Variants in SCMH1 observed in about 807,000 individuals in gnomAD.
The protein encoded by SCMH1 is polycomb protein SCMH1.
Under a neutral mutation model 70.8 loss-of-function variants are expected in SCMH1, and 37 were observed. The ratio of observed to expected loss-of-function variants is 0.52; its 90% CI spans 0.40 to 0.69. SCMH1 has a LOEUF of 0.69. SCMH1 is among the 30% of genes least tolerant of loss of function. The probability of loss-of-function intolerance (pLI) is 0.00; values close to 1 mark genes in which losing one functional copy is unlikely to be tolerated. For missense variants in SCMH1, 607 were observed against 827.3 expected, an observed-to-expected ratio of 0.73 and a Z score of 3.27; for synonymous variants, 292 against 307.4, an observed-to-expected ratio of 0.95 and a Z score of 0.52.
intron 8 of SCMH1, among the ~76,000 whole-genome samples, chr1:41,090,922 G>A (rs1322644194): frequency 5.3e-5 from 8 of 151,338 alleles, no homozygotes; most frequent in Admixed American, 2.0e-4. Flanking sequence ...GCCTGTAGTC[G>A]CAGCTACTTG....
chr1:41,124,873 T>G (rs1672795618), intron 6 of SCMH1, among the ~76,000 whole-genome samples: 1 of 152,044 alleles, frequency 6.6e-6, no homozygotes, highest in Non-Finnish European at 1.5e-5. Context: ...TGGCTCTGAT[T>G]ACAGGCATAA....
At chr1:41,039,966 A>T (rs78230118) in intron 12 of SCMH1, among the ~76,000 whole-genome samples, 11,951 of 96,346 alleles carry the variant, frequency 0.12, 579 homozygotes, top group South Asian at 0.2. Flanking sequence ...TTTTTTTTTT[A>T]AAAAAAGGAG....
chr1:41,216,622 G>T (rs1303980227), intron 1 of SCMH1, among the ~76,000 whole-genome samples: 1 of 152,180 alleles, frequency 6.6e-6, no homozygotes, highest in Non-Finnish European at 1.5e-5. Flanking sequence ...GATCTCTTGA[G>T]ATAAAGCCAA....
At chr1:41,204,703 A>C (rs556905956) in intron 1 of SCMH1, among the ~76,000 whole-genome samples, 1 of 152,224 alleles carries the variant, frequency 6.6e-6, no homozygotes, top group South Asian at 2.1e-4. Context: ...AGTCACCTAG[A>C]CCCTTTCTAT....
At chr1:41,226,503 G>A in intron 1 of SCMH1, among the ~76,000 whole-genome samples, 1 of 152,078 alleles carries the variant, frequency 6.6e-6, no homozygotes, top group East Asian at 1.9e-4. Context: ...TAAGTTCACA[G>A]AAAAAGGCGA....
intron 1 of SCMH1, among the ~76,000 whole-genome samples, chr1:41,206,386 C>A (rs1655543949): frequency 6.6e-6 from 1 of 152,142 alleles, no homozygotes; most frequent in South Asian, 2.1e-4. Flanking sequence ...GGCACGAGAA[C>A]TTCATGACAC....
chr1:41,146,400 G>A (rs971312084), intron 5 of SCMH1, among the ~76,000 whole-genome samples: 2 of 152,034 alleles, frequency 1.3e-5, no homozygotes, highest in African/African-American at 4.8e-5. Context: ...TGTAGCCTGG[G>A]TGTACAGCGT....
intron 1 of SCMH1, among the ~76,000 whole-genome samples, chr1:41,215,176 T>A (rs1385148597): frequency 1.3e-5 from 2 of 152,198 alleles, no homozygotes; most frequent in Admixed American, 1.3e-4. Context: ...ACCTAAGTCA[T>A]GCTTTTTGCA....
At chr1:41,229,549 T>C (rs1001428983) in intron 1 of SCMH1, among the ~76,000 whole-genome samples, 2 of 151,962 alleles carry the variant, frequency 1.3e-5, no homozygotes, top group Non-Finnish European at 2.9e-5. Flanking sequence ...ATGAGAACAC[T>C]TGGACACAGG....
intron 1 of SCMH1, among the ~76,000 whole-genome samples, chr1:41,196,346 C>T (rs201689914): frequency 1.3e-5 from 2 of 151,928 alleles, no homozygotes; most frequent in East Asian, 1.9e-4. Context: ...CAAAATAGTA[C>T]AGTATTGGCA....
chr1:41,032,234 A>C lies in SCMH1; in HGVS notation c.1679-3508T>G, dbSNP rs141215943. ...TGGACTAAGACGACCCACATATTTA[A>C]TACTACTATATATTTATATGCTTGT... is the stretch of plus-strand genomic sequence containing the variant. On this transcript the variant is annotated intron_variant, in intron 13 of 14. Transcript: ENST00000337495. Among the ~76,000 whole-genome samples the C allele has an allele frequency of 1.1e-3, 170 of 152,316 alleles. 1 individual carries two copies. Among genetic ancestry groups the C allele is most frequent in the African/African-American group, 3.9e-3 (162 of 41,576 alleles).
intron 8 of SCMH1, among the ~76,000 whole-genome samples, chr1:41,096,514 TA>T (rs896371263): frequency 5.9e-5 from 9 of 152,240 alleles, no homozygotes; most frequent in Non-Finnish European, 1.2e-4. Context: ...GAACGCTCAA[TA>T]AACCTTAGCC....
chr1:41,057,939 G>A (rs1194836415), intron 10 of SCMH1, among the ~76,000 whole-genome samples: 1 of 151,852 alleles, frequency 6.6e-6, no homozygotes. Context: ...TGGGCAACAT[G>A]GCAAAACCTT....
chr1:41,150,538 T>C (rs1644975482), intron 5 of SCMH1, among the ~76,000 whole-genome samples: 1 of 152,078 alleles, frequency 6.6e-6, no homozygotes. Flanking sequence ...ATTATTAACA[T>C]ATGTTGTCTT....
intron 8 of SCMH1, among the ~76,000 whole-genome samples, chr1:41,100,415 T>C (rs986332487): frequency 6.6e-6 from 1 of 152,124 alleles, no homozygotes; most frequent in African/African-American, 2.4e-5. Context: ...AGCATGGCCA[T>C]TATGTCTTTA....
chr1:41,041,841 C>A (rs2148634688), intron 12 of SCMH1, among the ~76,000 whole-genome samples: 1 of 152,264 alleles, frequency 6.6e-6, no homozygotes, highest in East Asian at 1.9e-4. Flanking sequence ...CAGAGAGGAA[C>A]CTGAGAATCC....
chr1:41,163,286 A>C (rs1460451504), intron 2 of SCMH1, among the ~76,000 whole-genome samples: 1 of 152,106 alleles, frequency 6.6e-6, no homozygotes, highest in Non-Finnish European at 1.5e-5. Flanking sequence ...TGCGCAGTAG[A>C]TGGGCCCCAA....
intron 1 of SCMH1, among the ~76,000 whole-genome samples, chr1:41,196,745 C>G (rs1653108883): frequency 1.3e-5 from 2 of 152,162 alleles, no homozygotes; most frequent in African/African-American, 4.8e-5. Flanking sequence ...AAGATCCTAT[C>G]ATCAGAGTGA....
chr1:41,241,724 G>A (rs1376884733), intron 1 of SCMH1, among the ~76,000 whole-genome samples: 1 of 151,864 alleles, frequency 6.6e-6, no homozygotes, highest in Non-Finnish European at 1.5e-5. Flanking sequence ...CCCCCACGCC[G>A]ACCCTCCAAA....
Sources: allele counts gnomAD v4.1 joint callset (sites outside exome capture counted in the v4.1 genomes callset), GRCh38; gene constraint gnomAD v4.1.1; transcripts MANE v1.5; gene names NCBI Gene and HGNC (gene_info 2026-07-23, HGNC 2026-07-21).